Variants in THAP1 observed in about 807,000 individuals in gnomAD.
The protein encoded by THAP1 is THAP domain containing 1.
THAP1 carries 6 observed loss-of-function variants against 18.2 expected under a neutral mutation model. The ratio of observed to expected loss-of-function variants is 0.33; its 90% CI spans 0.18 to 0.65. The LOEUF is 0.65. Among genes scored for constraint, THAP1 ranks in the 30% least tolerant of loss-of-function variants. THAP1 has a pLI of 0.74. For synonymous variants in THAP1, 85 were observed against 90.5 expected, an observed-to-expected ratio of 0.94 and a Z score of 0.34; for missense variants, 176 against 253.0, an observed-to-expected ratio of 0.70 and a Z score of 2.06.
Position 42,838,395 on chromosome 8 carries a change from C to A in THAP1, c.268-59G>T. On this transcript the variant is annotated intron_variant, in intron 2 of 2. Transcript: ENST00000254250. ...GTAACTAAAAACAGTTTAAAAGAAT[C>A]TGTGGACTGACCAGGCGCAGTGGCT... is the stretch of plus-strand genomic sequence containing the variant. 3.1e-6 allele frequency: 5 copies of A among 1,599,268 alleles called. No individual in the cohort carries two copies. The South Asian group carries it at 5.5e-5, about 18-fold the overall frequency.
rs916906632 is a variant in THAP1 at position 42,843,019 on chromosome 8, C to T, written c.71+5G>A. 1.9e-6 allele frequency: 3 copies of T among 1,612,822 alleles called. No homozygotes were observed. Among genetic ancestry groups the T allele is most frequent in the Admixed American group, 3.3e-5 (2 of 59,986 alleles). On this transcript the variant is annotated splice_donor_5th_base_variant and intron_variant, in intron 1 of 2. Coordinates refer to ENST00000254250, the MANE Select transcript of THAP1 (RefSeq NM_018105.3). ...CCGGCCCCGCGAGGCGCGCAGGGTC[C>T]TCACTTGTGGAAAGAAACGGGCTTG...
In THAP1 at chr8:42,837,752, TTAAAA is replaced by T. The variant is rs1474282696; in HGVS notation, c.*205_*209del. 9.8e-6 allele frequency: 4 copies of T among 409,524 alleles called. No individual in the cohort carries two copies. The highest frequency in any genetic ancestry group is 1.2e-5 in the Non-Finnish European group (3 of 253,506). 25.4% of individuals were successfully genotyped at this position (409,524 alleles called of 1,614,324 possible). The stretch of plus-strand genomic sequence containing the variant: ...GAGGTCTGAGGTTAGTTTATAACTT[TTAAAA>T]TATTTTGTTAAAATGTAAAAAACCT... On this transcript the variant is annotated 3_prime_UTR_variant, in exon 3 of 3. Coordinates refer to ENST00000254250, the MANE Select transcript of THAP1 (RefSeq NM_018105.3).
intron 1 of THAP1, chr8:42,842,806 C>T: frequency 4.8e-6 from 1 of 210,382 alleles, no homozygotes; most frequent in Non-Finnish European, 9.0e-6. Flanking sequence ...AGGGCCTGTT[C>T]CAGGAGCGCG....
Position 42,843,263 on chromosome 8 carries a change from G to C in THAP1, c.-169C>G, listed in dbSNP as rs886062950. On this transcript the variant is annotated 5_prime_UTR_variant, in exon 1 of 3. Coordinates refer to ENST00000254250, the MANE Select transcript of THAP1 (RefSeq NM_018105.3). ...GACTAGTGTGCCCGTTTTGTTGTTT[G>C]CATTAGCAGAAGGACCACAGCCATC... 112 of 767,474 alleles carry C rather than the reference G, an allele frequency of 1.5e-4. 2 individuals are homozygous for C. Among genetic ancestry groups the C allele is most frequent in the South Asian group, 1.1e-3 (76 of 68,994 alleles). 47.5% of individuals were successfully genotyped at this position (767,474 alleles called of 1,614,324 possible).
Position 42,837,443 on chromosome 8 carries a change from G to A in THAP1, c.*519C>T, listed in dbSNP as rs1336826924. 6.6e-6 allele frequency: 1 copy of A among 152,080 alleles called. No individual in the cohort carries two copies. Among genetic ancestry groups the A allele is most frequent in the Non-Finnish European group, 1.5e-5 (1 of 68,050 alleles). 9.4% of individuals were successfully genotyped at this position (152,080 alleles called of 1,614,324 possible). On this transcript the variant is annotated 3_prime_UTR_variant, in exon 3 of 3. Transcript: ENST00000254250. ...AGTACTGACTTGCCAATTTATCTTT[G>A]ATAACTGATTCAGAAAGATAAATGA...
At chr8:42,838,686 A>T (rs188042901) in intron 2 of THAP1, among the ~76,000 whole-genome samples, 123 of 152,202 alleles carry the variant, frequency 8.1e-4, no homozygotes, top group Non-Finnish European at 1.3e-3. Context: ...TTGTCTCCAA[A>T]AAATAAATAA....
rs1418083413 is a variant in THAP1, at chr8:42,839,385, A to G, written c.72-4T>C. The G allele has an allele frequency of 1.2e-6, 2 of 1,613,800 alleles. No homozygotes were observed. Among genetic ancestry groups the G allele is most frequent in the Non-Finnish European group, 1.7e-6 (2 of 1,179,972 alleles). ...ACTGGGTCGAGTAAGAGGAAACCTA[A>G]GAAGAAGGCATAATTCAATTATCTG... On this transcript the variant is annotated splice_polypyrimidine_tract_variant and splice_region_variant and intron_variant, in intron 1 of 2. Coordinates refer to ENST00000254250, the MANE Select transcript of THAP1 (RefSeq NM_018105.3).
rs1429569531 is a variant in THAP1 at position 42,840,827 on chromosome 8, C to T, written c.72-1446G>A. ...ACTAAAAATACAAAAATTAGCTGGG[C>T]GTGGTGGTGCACACCTGTAGTCCCA... On this transcript the variant is annotated intron_variant, in intron 1 of 2. Coordinates refer to ENST00000254250, the MANE Select transcript of THAP1 (RefSeq NM_018105.3). Among the ~76,000 whole-genome samples, 11 of 152,046 alleles carry T rather than the reference C, an allele frequency of 7.2e-5. No homozygotes were observed. In the South Asian group the frequency reaches 1.7e-3, roughly 23 times the overall value.
At chr8:42,838,742 T>A (rs943333853) in intron 2 of THAP1, among the ~76,000 whole-genome samples, 1 of 152,020 alleles carries the variant, frequency 6.6e-6, no homozygotes, top group Non-Finnish European at 1.5e-5. Context: ...AAATACTGAC[T>A]TTTTTTGGGA....
At chr8:42,838,408 A>G in intron 2 of THAP1, 72 bp from the exon 3 acceptor site, 3 of 1,583,406 alleles carry the variant, frequency 1.9e-6, no homozygotes, top group Non-Finnish European at 2.6e-6. Flanking sequence ...TGGACTGACC[A>G]GGCGCAGTGG....
At chr8:42,842,002 A>G (rs1802727568) in intron 1 of THAP1, among the ~76,000 whole-genome samples, 1 of 152,180 alleles carries the variant, frequency 6.6e-6, no homozygotes, top group African/African-American at 2.4e-5. Flanking sequence ...AATTAACTGA[A>G]AAGATATTTA....
At chr8:42,841,823 C>T (rs1336855896) in intron 1 of THAP1, among the ~76,000 whole-genome samples, 5 of 152,114 alleles carry the variant, frequency 3.3e-5, no homozygotes, top group Non-Finnish European at 5.9e-5. Context: ...ACTGAATCCT[C>T]TAAGTGTTCT....
In THAP1 at chr8:42,837,477, A is replaced by C. The variant is rs1464297072; in HGVS notation, c.*485T>G. 6.6e-6 allele frequency: 1 copy of C among 152,480 alleles called. No homozygotes were observed. Among genetic ancestry groups the C allele is most frequent in the African/African-American group, 2.4e-5 (1 of 41,440 alleles). The allele number at this position is 152,480 out of a possible 1,614,324, so 9.4% of individuals were successfully genotyped here. ...TTCAGAAAGATAAATGAACCTTGTG[A>C]CTTTACATATGAGAATATGTACATA... is the stretch of plus-strand genomic sequence containing the variant. On this transcript the variant is annotated 3_prime_UTR_variant, in exon 3 of 3. Transcript: ENST00000254250.
intron 1 of THAP1, among the ~76,000 whole-genome samples, chr8:42,840,168 C>G (rs1802690734): frequency 6.6e-6 from 1 of 152,090 alleles, no homozygotes; most frequent in Non-Finnish European, 1.5e-5. Context: ...GCACTCCAGC[C>G]TGGGTGACAG....
intron 1 of THAP1, among the ~76,000 whole-genome samples, chr8:42,841,407 T>TC (rs890759390): frequency 2.0e-5 from 3 of 150,708 alleles, no homozygotes; most frequent in Non-Finnish European, 4.4e-5. Flanking sequence ...TTCAAGTGAT[T>TC]CCCCTACCTC....
chr8:42,842,932 G>C, intron 1 of THAP1, 92 bp downstream of exon 1: 5 of 845,844 alleles, frequency 5.9e-6, no homozygotes, highest in Non-Finnish European at 7.6e-6. Context: ...CGCCCCTCGC[G>C]CGGACACGCG....
In THAP1 at chr8:42,837,620, C is replaced by T. The variant is rs1802638971; in HGVS notation, c.*342G>A. On this transcript the variant is annotated 3_prime_UTR_variant, in exon 3 of 3. Transcript: ENST00000254250. ...ATTTTAAGTTTTAAACTGAAATCAC[C>T]CTTTTACCACACTGTTCTCATTCTC... 1 of 163,660 alleles carries T rather than the reference C, an allele frequency of 6.1e-6. No individual in the cohort carries two copies. Among genetic ancestry groups the T allele is most frequent in the Non-Finnish European group, 1.3e-5 (1 of 76,324 alleles). The allele number at this position is 163,660 out of a possible 1,614,324, so 10.1% of individuals were successfully genotyped here. A position where few individuals can be genotyped will look rare whatever the true frequency, so the allele number is the denominator to read the frequency against.
At position 42,838,328 on chromosome 8, in the gene THAP1, ATCT is replaced by A; in HGVS notation, c.273_275del (p.Glu91del). ...GAAGCTGTTCCTGTGGCTCCAGAAG[ATCT>A]TCTTTCTAAAACAAAAATACAAAGT... On this transcript the variant is annotated inframe_deletion, in exon 3 of 3. Coordinates refer to ENST00000254250, the MANE Select transcript of THAP1 (RefSeq NM_018105.3). The A allele has an allele frequency of 1.2e-6, 2 of 1,613,808 alleles. No homozygotes were observed. Among genetic ancestry groups the A allele is most frequent in the Non-Finnish European group, 1.7e-6 (2 of 1,179,890 alleles).
intron 1 of THAP1, among the ~76,000 whole-genome samples, chr8:42,841,659 A>G (rs1450501952): frequency 1.3e-5 from 2 of 152,206 alleles, no homozygotes; most frequent in East Asian, 1.9e-4. Context: ...AACATTTTCC[A>G]TAATTTTAGA....
Sources: allele counts gnomAD v4.1 joint callset (sites outside exome capture counted in the v4.1 genomes callset), GRCh38; gene constraint gnomAD v4.1.1; transcripts MANE v1.5; gene names NCBI Gene and HGNC (gene_info 2026-07-23, HGNC 2026-07-21).